Variants in LMO7 observed in about 807,000 individuals in gnomAD.
The protein encoded by LMO7 is LIM domain only protein 7.
LMO7 carries 120 observed loss-of-function variants against 206.5 expected under a neutral mutation model. The observed-to-expected ratio is 0.58, with a 90% confidence interval of 0.50 to 0.68. LMO7 has a LOEUF of 0.68. Ranked by LOEUF, LMO7 falls within the 30% of genes least tolerant of loss-of-function variation. The pLI is 0.00. For synonymous variants in LMO7, 706 were observed against 681.5 expected, an observed-to-expected ratio of 1.04 and a Z score of -0.56; for missense variants, 1,959 against 1,957.9, an observed-to-expected ratio of 1.00 and a Z score of -0.01.
chr13:75,735,563 G>A (rs1389789268), intron 3 of LMO7, among the ~76,000 whole-genome samples: 1 of 152,094 alleles, frequency 6.6e-6, no homozygotes, highest in Non-Finnish European at 1.5e-5. Flanking sequence ...CTGGGTTGAA[G>A]CGATTCCCCT....
rs775927362 is a variant in LMO7, at chr13:75,807,527, T to C, written c.1244T>C (p.Leu415Ser). ...CTCCAAACATACTCTGATGACATCT[T>C]GTCTTCTGAAACACATACCAAAATT... is the stretch of plus-strand genomic sequence containing the variant. ...QALQTYSDDI[L>S]SSETHTKIDP... is the part of the protein sequence containing the mutation. The change falls in exon 10 of 31, where the codon TTG (leucine) becomes TCG (serine). Residue 415 changes from leucine (L) to serine (S), a missense_variant. Leu to Ser is a moderately radical substitution (Grantham distance 145). Transcript: ENST00000377534. 1.2e-6 allele frequency: 2 copies of C among 1,613,860 alleles called. No individual in the cohort carries two copies. The highest frequency in any genetic ancestry group is 1.7e-6 in the Non-Finnish European group (2 of 1,179,860).
intron 4 of LMO7, among the ~76,000 whole-genome samples, chr13:75,786,834 C>A (rs1206186017): frequency 2.0e-5 from 3 of 152,176 alleles, no homozygotes; most frequent in African/African-American, 7.2e-5. Context: ...ACCTACTCAA[C>A]ATTTTTACGT....
At chr13:75,635,616 G>A (rs1047580431), upstream of LMO7, among the ~76,000 whole-genome samples, 5 of 152,182 alleles carry the variant, frequency 3.3e-5, no homozygotes, top group Admixed American at 3.3e-4. Flanking sequence ...GGGAATGCAA[G>A]GAACCCTCCA....
intron 2 of LMO7, among the ~76,000 whole-genome samples, chr13:75,724,484 A>G (rs2044292966): frequency 6.6e-6 from 1 of 152,176 alleles, no homozygotes; most frequent in South Asian, 2.1e-4. Context: ...GAATAGAATC[A>G]GTTACCTGAA....
At position 75,626,575 on chromosome 13, in the gene LMO7, T is replaced by C. The variant is rs1014915273; in HGVS notation, c.225+3255T>C. Among the ~76,000 whole-genome samples, 34 of 80,968 alleles carry C rather than the reference T, an allele frequency of 4.2e-4. 1 individual carries two copies. The East Asian group carries it at 0.012, about 29-fold the overall frequency. 53.1% of individuals were successfully genotyped at this position (80,968 alleles called of 152,430 possible). On this transcript the variant is annotated intron_variant, in intron 2 of 29. Transcript: ENST00000341547. The stretch of plus-strand genomic sequence containing the variant: ...ATATTGTCTACCCTCTTAACATATA[T>C]ATTATATATATATATATAAATTTTT...
rs751913549 is a variant in LMO7 at position 75,823,799 on chromosome 13, A to G, written c.2875A>G (p.Thr959Ala). 12 of 1,614,122 alleles carry G rather than the reference A, an allele frequency of 7.4e-6. No homozygotes were observed. The highest frequency in any genetic ancestry group is 6.7e-5 in the East Asian group (3 of 44,866). ...AATSKATLSSTSGLDLMSESG... is the reference protein window; with the variant it reads ...AATSKATLSSASGLDLMSESG... ...CACTTCTAAAGCCACATTGTCTTCC[A>G]CATCTGGTCTTGATTTAATGTCTGA... is the stretch of plus-strand genomic sequence containing the variant. Residue 959 changes from threonine to alanine, a missense_variant, in exon 15 of 31, where the codon ACA becomes GCA. Thr to Ala is a moderately conservative substitution (Grantham distance 58, BLOSUM62 0). Coordinates refer to ENST00000377534, the MANE Select transcript of LMO7 (RefSeq NM_001306080.2).
intron 1 of LMO7, among the ~76,000 whole-genome samples, chr13:75,680,052 G>A (rs1352495089): frequency 3.3e-5 from 5 of 152,048 alleles, no homozygotes; most frequent in Non-Finnish European, 7.4e-5. Context: ...TTTTCCTGAC[G>A]ATCTCCCTCC....
chr13:75,626,709 C>T (rs1316394671), intron 2 of LMO7: 1 of 150,754 alleles, frequency 6.6e-6, no homozygotes, highest in African/African-American at 2.4e-5. Flanking sequence ...CTCAGCCTTC[C>T]AGGTAGCTTG....
chr13:75,749,140 G>A (rs900521159), intron 3 of LMO7, among the ~76,000 whole-genome samples: 3 of 152,096 alleles, frequency 2.0e-5, no homozygotes, highest in Admixed American at 2.0e-4. Context: ...TAAACAAAAG[G>A]TGATGATCCA....
At chr13:75,755,504 T>C (rs2047619276) in intron 3 of LMO7, among the ~76,000 whole-genome samples, 1 of 152,136 alleles carries the variant, frequency 6.6e-6, no homozygotes, top group African/African-American at 2.4e-5. Context: ...TGACTGTGAA[T>C]CCTTCTTTCT....
At chr13:75,626,577 TTATATATATATATATAA>T (rs2034145227) in intron 2 of LMO7, among the ~76,000 whole-genome samples, 4 of 74,524 alleles carry the variant, frequency 5.4e-5, no homozygotes, top group Non-Finnish European at 5.8e-5. Context: ...AACATATATA[TTATATATATATATATAA>T]ATTTTTTTGA....
At chr13:75,735,322 T>C (rs929386855) in intron 3 of LMO7, among the ~76,000 whole-genome samples, 2 of 151,870 alleles carry the variant, frequency 1.3e-5, no homozygotes, top group Non-Finnish European at 2.9e-5. Flanking sequence ...TTTCCAAAAA[T>C]GGGAGAACAC....
intron 1 of LMO7, among the ~76,000 whole-genome samples, chr13:75,709,749 G>T (rs546627605): frequency 1.8e-4 from 27 of 152,238 alleles, no homozygotes; most frequent in African/African-American, 6.5e-4. Context: ...TCTGTAGGTT[G>T]CCTGTTCACT....
chr13:75,771,151 G>A (rs949120229), intron 4 of LMO7, among the ~76,000 whole-genome samples: 1 of 151,992 alleles, frequency 6.6e-6, no homozygotes, highest in African/African-American at 2.4e-5. Flanking sequence ...TTCTGAGTTT[G>A]TGAACTAAGT....
In LMO7 at chr13:75,732,642, G is replaced by A. The variant is rs191512919; in HGVS notation, c.210+5544G>A. ...TCTCAACTCGTCAAAGTCATTCTCT[G>A]TCCAGCTTTGTTCCATTGCTGGTGA... On this transcript the variant is annotated intron_variant, in intron 3 of 30. Coordinates refer to ENST00000377534, the MANE Select transcript of LMO7 (RefSeq NM_001306080.2). 5.2e-3 allele frequency among the ~76,000 whole-genome samples: 793 copies of A among 152,294 alleles called. 9 individuals are homozygous for A. Among genetic ancestry groups the A allele is most frequent in the African/African-American group, 0.018 (762 of 41,550 alleles).
chr13:75,853,119 C>A lies in LMO7; in HGVS notation c.4392C>A (p.Ser1464=). 1 of 1,610,696 alleles carries A rather than the reference C, an allele frequency of 6.2e-7. No homozygotes were observed. Among genetic ancestry groups the A allele is most frequent in the Non-Finnish European group, 8.5e-7 (1 of 1,178,078 alleles). The change falls in exon 28 of 31, where the codon TCC becomes TCA. Residue 1464 remains serine, a synonymous_variant. Transcript: ENST00000377534. The part of the protein sequence containing the change: ...RRGESLDNLD[S]PRSNSWRQPP... ...GCGAATCTTTAGATAACCTGGACTC[C>A]CCCCGATCCAATTCTTGGAGACAGC...
intron 1 of LMO7, among the ~76,000 whole-genome samples, chr13:75,660,799 C>T (rs774451599): frequency 5.3e-5 from 8 of 152,024 alleles, no homozygotes; most frequent in Non-Finnish European, 8.8e-5. Context: ...TTTAGAAACC[C>T]GGTCCCTTGA....
chr13:75,727,470 T>A (rs2044588310), intron 3 of LMO7, among the ~76,000 whole-genome samples: 1 of 151,980 alleles, frequency 6.6e-6, no homozygotes, highest in African/African-American at 2.4e-5. Flanking sequence ...ATATACAAAG[T>A]ACGAATACCT....
Position 75,622,550 on chromosome 13 carries a change from G to C in LMO7, c.175+682G>C, listed in dbSNP as rs1442511742. On this transcript the variant is annotated intron_variant, in intron 1 of 29. Transcript: ENST00000341547. The stretch of plus-strand genomic sequence containing the variant: ...TTCATAATTAAAATGTTTCTACTCT[G>C]ATAATGCCTTTAAGTACTTTAAGAA... 2.0e-5 allele frequency among the ~76,000 whole-genome samples: 3 copies of C among 152,126 alleles called. No homozygotes were observed. In the East Asian group the frequency reaches 5.8e-4, roughly 29 times the overall value.
Sources: allele counts gnomAD v4.1 joint callset (sites outside exome capture counted in the v4.1 genomes callset), GRCh38; gene constraint gnomAD v4.1.1; transcripts MANE v1.5; gene names NCBI Gene and HGNC (gene_info 2026-07-23, HGNC 2026-07-21).